The following SPOCK1 variants were observed in gnomAD, a reference collection of about 807,000 sequenced individuals.
The protein encoded by SPOCK1 is testican-1.
Under a neutral mutation model 55.3 loss-of-function variants are expected in SPOCK1, and 23 were observed. The ratio of observed to expected loss-of-function variants is 0.42; its 90% CI spans 0.30 to 0.59. The LOEUF (loss-of-function observed/expected upper bound fraction) is 0.59. Among genes scored for constraint, SPOCK1 ranks in the 20% least tolerant of loss-of-function variants. The probability of loss-of-function intolerance (pLI) is 0.22; values close to 1 mark genes in which losing one functional copy is unlikely to be tolerated. For synonymous variants in SPOCK1, 226 were observed against 221.0 expected, an observed-to-expected ratio of 1.02 and a Z score of -0.20; for missense variants, 499 against 552.5, an observed-to-expected ratio of 0.90 and a Z score of 0.97.
chr5:137,418,594 G>A (rs1469211967), intron 2 of SPOCK1, among the ~76,000 whole-genome samples: 18 of 152,248 alleles, frequency 1.2e-4, no homozygotes, highest in Admixed American at 9.2e-4. Context: ...TTGGCTGCAT[G>A]AATGTCTTTT....
intron 6 of SPOCK1, among the ~76,000 whole-genome samples, chr5:137,057,734 G>C (rs1752328165): frequency 6.6e-6 from 1 of 152,182 alleles, no homozygotes; most frequent in Admixed American, 6.5e-5. Context: ...TAAGCAGTCT[G>C]CTTTGTGGGG....
In SPOCK1 at chr5:136,978,692, C is replaced by T. The variant is rs746544668; in HGVS notation, c.1282G>A (p.Asp428Asn). Residue 428 changes from aspartate to asparagine, a missense_variant, in exon 11 of 11, where the codon GAT becomes AAT. By Grantham distance (23) the Asp-to-Asn change is conservative. This residue lies in a region of SPOCK1 where 83 missense variants were observed against 87.5 expected (regional missense o/e 0.95). Transcript: ENST00000394945. ...CCGACCTCATCCTCTTTGTCATCAT[C>T]CTCATCCTCATCATCCTCTGTCACG... ...RAVTEDDEDE[D>N]DDKEDEVGYI... The T allele has an allele frequency of 8.7e-6, 14 of 1,613,260 alleles. No individual in the cohort carries two copies. Among genetic ancestry groups the T allele is most frequent in the Non-Finnish European group, 1.0e-5 (12 of 1,179,606 alleles).
intron 3 of SPOCK1, among the ~76,000 whole-genome samples, chr5:137,195,787 G>A (rs1483014106): frequency 6.6e-6 from 1 of 152,202 alleles, no homozygotes; most frequent in African/African-American, 2.4e-5. Context: ...ATGACTGGTT[G>A]GCAGCACCAG....
At chr5:137,255,873 T>C (rs1360988382) in intron 3 of SPOCK1, among the ~76,000 whole-genome samples, 1 of 152,242 alleles carries the variant, frequency 6.6e-6, no homozygotes, top group Non-Finnish European at 1.5e-5. Flanking sequence ...TGGCAATGAC[T>C]GCAACTAACA....
intron 9 of SPOCK1, among the ~76,000 whole-genome samples, chr5:136,981,218 T>C (rs1750724849): frequency 6.6e-6 from 1 of 152,244 alleles, no homozygotes; most frequent in Admixed American, 6.5e-5. Context: ...ACCACAAGTT[T>C]ACAGTATTCT....
At chr5:137,165,366 G>A (rs1006311020) in intron 3 of SPOCK1, among the ~76,000 whole-genome samples, 1 of 152,126 alleles carries the variant, frequency 6.6e-6, no homozygotes, top group Non-Finnish European at 1.5e-5. Flanking sequence ...CTGAGCTTAA[G>A]GTGTCCCCCT....
chr5:137,186,009 A>G (rs1436542880), intron 3 of SPOCK1, among the ~76,000 whole-genome samples: 1 of 152,188 alleles, frequency 6.6e-6, no homozygotes, highest in Non-Finnish European at 1.5e-5. Context: ...TTTGAGACCA[A>G]ATTTATCTGT....
intron 3 of SPOCK1, among the ~76,000 whole-genome samples, chr5:137,217,666 T>G (rs765207883): frequency 6.6e-6 from 1 of 152,252 alleles, no homozygotes; most frequent in Non-Finnish European, 1.5e-5. Flanking sequence ...AAGTACTCAC[T>G]GTACTTCTTA....
At chr5:137,193,179 T>C (rs1755219497) in intron 3 of SPOCK1, among the ~76,000 whole-genome samples, 1 of 152,140 alleles carries the variant, frequency 6.6e-6, no homozygotes, top group Non-Finnish European at 1.5e-5. Flanking sequence ...CTGCTGCAAC[T>C]AGGAGGTTTA....
chr5:137,149,509 G>A (rs996413807), intron 3 of SPOCK1, among the ~76,000 whole-genome samples: 2 of 152,086 alleles, frequency 1.3e-5, no homozygotes, highest in Non-Finnish European at 2.9e-5. Flanking sequence ...GAGAATAAGA[G>A]GGCATAAAAA....
At chr5:137,426,144 A>C (rs1561532835) in intron 2 of SPOCK1, among the ~76,000 whole-genome samples, 1 of 152,338 alleles carries the variant, frequency 6.6e-6, no homozygotes, top group East Asian at 1.9e-4. Context: ...ACATGACAAG[A>C]GTACCTGGCT....
intron 2 of SPOCK1, among the ~76,000 whole-genome samples, chr5:137,325,077 A>T (rs1758053004): frequency 6.6e-6 from 1 of 152,218 alleles, no homozygotes; most frequent in Admixed American, 6.5e-5. Flanking sequence ...GTCTGGAAAT[A>T]GATATGGCAA....
At chr5:137,169,164 A>C (rs1008224728) in intron 3 of SPOCK1, among the ~76,000 whole-genome samples, 2 of 152,106 alleles carry the variant, frequency 1.3e-5, no homozygotes, top group African/African-American at 4.8e-5. Context: ...AGAGAATAGA[A>C]GGATGGTTAC....
intron 2 of SPOCK1, among the ~76,000 whole-genome samples, chr5:137,394,722 G>C (rs1034623986): frequency 3.9e-5 from 6 of 152,102 alleles, no homozygotes; most frequent in Non-Finnish European, 8.8e-5. Flanking sequence ...GAGAAAGCCA[G>C]CTCCAAGAGC....
chr5:137,079,421 A>ATT, intron 5 of SPOCK1, among the ~76,000 whole-genome samples: 1 of 13,264 alleles, frequency 7.5e-5, no homozygotes, highest in Non-Finnish European at 3.8e-3. Context: ...AAATGAAGTC[A>ATT]TCTCTATCCA....
At chr5:137,447,627 A>AC (rs33986917) in intron 2 of SPOCK1, among the ~76,000 whole-genome samples, 151,540 of 152,098 alleles carry the variant, frequency 1, 75,493 homozygotes, top group Middle Eastern at 1. Flanking sequence ...TATATGACCC[A>AC]CACCACCACC....
intron 2 of SPOCK1, among the ~76,000 whole-genome samples, chr5:137,483,931 C>T (rs1753999668): frequency 6.6e-6 from 1 of 152,210 alleles, no homozygotes; most frequent in Admixed American, 6.5e-5. Flanking sequence ...CTTCTGCCTG[C>T]CTGCTCTCTG....
At chr5:137,227,420 C>A (rs535546297) in intron 3 of SPOCK1, among the ~76,000 whole-genome samples, 86 of 152,290 alleles carry the variant, frequency 5.6e-4, no homozygotes, top group African/African-American at 2.1e-3. Context: ...AAAGCAAGAG[C>A]AGAATTGGTC....
chr5:137,461,393 A>C (rs2149837469), intron 2 of SPOCK1, among the ~76,000 whole-genome samples: 1 of 152,334 alleles, frequency 6.6e-6, no homozygotes, highest in Admixed American at 6.5e-5. Flanking sequence ...CAAATGGAGG[A>C]AAAACCATGG....
Sources: allele counts gnomAD v4.1 joint callset (sites outside exome capture counted in the v4.1 genomes callset), GRCh38; gene constraint gnomAD v4.1.1; regional missense constraint gnomAD v4.1.1; transcripts MANE v1.5; gene names NCBI Gene and HGNC (gene_info 2026-07-23, HGNC 2026-07-21).